L3MBTL4: variants seen among roughly 807,000 people sequenced by gnomAD.
L3MBTL4 encodes lethal(3)malignant brain tumor-like protein 4.
A neutral mutation model predicts 84.5 loss-of-function variants in L3MBTL4; 70 were observed. That is an observed-to-expected ratio of 0.83 (90% CI 0.68 to 1.01). The LOEUF is 1.01. Ranked by LOEUF, L3MBTL4 falls within the 50% of genes least tolerant of loss-of-function variation. The pLI, the probability that L3MBTL4 is intolerant of heterozygous loss-of-function variation, is 0.00. For synonymous variants in L3MBTL4, 274 were observed against 259.8 expected (o/e 1.05, Z -0.52); for missense variants, 715 against 754.8 (o/e 0.95, Z 0.62).
At chr18:6,059,649 C>T (rs927709872) in intron 16 of L3MBTL4, among the ~76,000 whole-genome samples, 2 of 152,056 alleles carry the variant, frequency 1.3e-5, no homozygotes, top group Non-Finnish European at 1.5e-5. Flanking sequence ...AGAAAGGAGA[C>T]TAAGAGGGCA....
At chr18:6,305,077 C>T (rs1391569604) in intron 3 of L3MBTL4, among the ~76,000 whole-genome samples, 1 of 152,106 alleles carries the variant, frequency 6.6e-6, no homozygotes, top group African/African-American at 2.4e-5. Context: ...TTAGGTGGAT[C>T]AAGGTTATAG....
chr18:6,214,328 G>A (rs1421718936), intron 11 of L3MBTL4, among the ~76,000 whole-genome samples: 3 of 152,076 alleles, frequency 2.0e-5, no homozygotes, highest in African/African-American at 7.2e-5. Context: ...TCATAATCAC[G>A]GAGTAAGAAA....
chr18:6,048,663 C>T (rs886190918), intron 16 of L3MBTL4, among the ~76,000 whole-genome samples: 2 of 151,928 alleles, frequency 1.3e-5, no homozygotes, highest in African/African-American at 4.8e-5. Flanking sequence ...GTGGCGGGCA[C>T]CTATAATTCC....
intron 4 of L3MBTL4, among the ~76,000 whole-genome samples, chr18:6,301,108 T>G (rs1296494916): frequency 1.3e-5 from 2 of 152,224 alleles, no homozygotes; most frequent in East Asian, 3.8e-4. Flanking sequence ...AAATGGACTT[T>G]AAAAATCTCA....
At chr18:6,356,325 C>T (rs1042614685) in intron 1 of L3MBTL4, among the ~76,000 whole-genome samples, 6 of 152,354 alleles carry the variant, frequency 3.9e-5, no homozygotes, top group South Asian at 4.1e-4. Flanking sequence ...AACAGAGTTA[C>T]GGCATTCTGC....
rs560833105 is a variant in L3MBTL4, at chr18:6,080,840, A to G, written c.1444+41T>C. ...AAACAAATAAGACATTCTGCACAAC[A>G]AAAAGTATATTCTGTGTTTTGCTAG... On this transcript the variant is annotated intron_variant, in intron 16 of 18. Transcript: ENST00000317931. 9.2e-6 allele frequency: 13 copies of G among 1,406,756 alleles called. No homozygotes were observed. In the South Asian group the frequency reaches 1.2e-4, roughly 13 times the overall value. The allele number at this position is 1,406,756 out of a possible 1,614,324, so 87.1% of individuals were successfully genotyped here. A position where few individuals can be genotyped will look rare whatever the true frequency, so the allele number is the denominator to read the frequency against.
chr18:6,383,560 G>A (rs2054688189), intron 1 of L3MBTL4, among the ~76,000 whole-genome samples: 1 of 152,166 alleles, frequency 6.6e-6, no homozygotes, highest in Non-Finnish European at 1.5e-5. Flanking sequence ...TTGGGTAGAG[G>A]AGAAAATTCC....
At chr18:6,003,916 A>G (rs1441589242) in intron 16 of L3MBTL4, among the ~76,000 whole-genome samples, 1 of 152,144 alleles carries the variant, frequency 6.6e-6, no homozygotes, top group Non-Finnish European at 1.5e-5. Flanking sequence ...TGCTTACATT[A>G]GAAAAGAAGA....
At chr18:6,218,365 T>C (rs564076403) in intron 10 of L3MBTL4, among the ~76,000 whole-genome samples, 1 of 152,340 alleles carries the variant, frequency 6.6e-6, no homozygotes, top group South Asian at 2.1e-4. Context: ...TCTGTGTAGA[T>C]TTTGAACCAT....
At chr18:6,314,367 T>TATAATGTCAAACAA (rs2050988244) in intron 1 of L3MBTL4, among the ~76,000 whole-genome samples, 1 of 152,086 alleles carries the variant, frequency 6.6e-6, no homozygotes, top group African/African-American at 2.4e-5. Context: ...AATGTCAAAT[T>TATAATGTCAAACAA]ATAAAACACA....
At chr18:6,211,047 G>A (rs933874553) in intron 12 of L3MBTL4, among the ~76,000 whole-genome samples, 6 of 152,256 alleles carry the variant, frequency 3.9e-5, no homozygotes, top group Admixed American at 1.3e-4. Flanking sequence ...TATTGTTGAC[G>A]CCATCACTTT....
intron 15 of L3MBTL4, among the ~76,000 whole-genome samples, chr18:6,081,912 C>T (rs1326445123): frequency 2.6e-5 from 4 of 152,036 alleles, no homozygotes; most frequent in African/African-American, 4.8e-5. Context: ...AGCAAGAAAC[C>T]GAGAAAATTT....
chr18:6,195,466 TG>T (rs2045332734), intron 12 of L3MBTL4, among the ~76,000 whole-genome samples: 1 of 152,202 alleles, frequency 6.6e-6, no homozygotes. Flanking sequence ...GAGTTGTGTG[TG>T]GCTCGCGGAA....
chr18:6,153,078 A>C (rs1598924678), intron 13 of L3MBTL4, among the ~76,000 whole-genome samples: 1 of 152,036 alleles, frequency 6.6e-6, no homozygotes, highest in Non-Finnish European at 1.5e-5. Flanking sequence ...CTTCTGTTTC[A>C]TTGGTCTATG....
chr18:5,984,778 A>G (rs1484563106), intron 16 of L3MBTL4, among the ~76,000 whole-genome samples: 3 of 152,162 alleles, frequency 2.0e-5, no homozygotes, highest in African/African-American at 7.2e-5. Flanking sequence ...TTGTTTCTGA[A>G]TTATTTTTGG....
intron 18 of L3MBTL4, 49 bp downstream of exon 18, chr18:5,960,045 C>T (rs374421494): frequency 5.9e-4 from 199 of 336,188 alleles, no homozygotes; most frequent in South Asian, 8.4e-4. Flanking sequence ...TATACACACA[C>T]ATATATATAT....
intron 16 of L3MBTL4, among the ~76,000 whole-genome samples, chr18:6,040,185 CA>C (rs1164931391): frequency 1.3e-5 from 2 of 151,834 alleles, no homozygotes; most frequent in Non-Finnish European, 2.9e-5. Context: ...TTTTCCTGTG[CA>C]AATAAATAAA....
intron 16 of L3MBTL4, among the ~76,000 whole-genome samples, chr18:5,971,760 G>A (rs1251472264): frequency 1.3e-5 from 2 of 152,136 alleles, no homozygotes; most frequent in Non-Finnish European, 2.9e-5. Context: ...CTAATGTGTG[G>A]CTGAACAGTC....
intron 14 of L3MBTL4, among the ~76,000 whole-genome samples, chr18:6,104,668 T>G (rs994641964): frequency 2.6e-5 from 4 of 152,196 alleles, no homozygotes; most frequent in Admixed American, 2.0e-4. Flanking sequence ...ATTGTGCCTA[T>G]AGTAAGCAAT....
Sources: allele counts gnomAD v4.1 joint callset (sites outside exome capture counted in the v4.1 genomes callset), GRCh38; gene constraint gnomAD v4.1.1; transcripts MANE v1.5; gene names NCBI Gene and HGNC (gene_info 2026-07-23, HGNC 2026-07-21).